Variants in CD2AP observed in about 807,000 individuals in gnomAD.
CD2AP encodes CD2 associated protein.
CD2AP carries 46 observed loss-of-function variants against 85.1 expected under a neutral mutation model. The observed-to-expected ratio is 0.54, with a 90% CI of 0.43 to 0.69. CD2AP has a LOEUF of 0.69. CD2AP is among the 30% of genes least tolerant of loss of function. CD2AP has a pLI of 0.00. For missense variants in CD2AP, 769 were observed against 729.5 expected (o/e 1.05, Z -0.62); for synonymous variants, 255 against 252.9 (o/e 1.01, Z -0.08).
intron 4 of CD2AP, among the ~76,000 whole-genome samples, chr6:47,549,161 C>T (rs906527241): frequency 6.6e-6 from 1 of 152,234 alleles, no homozygotes; most frequent in East Asian, 1.9e-4. Flanking sequence ...GATGCCTGCT[C>T]TCACCACTCC....
In CD2AP at chr6:47,530,475, C is replaced by G. The variant is rs114795313; in HGVS notation, c.166-3127C>G. Reference sequence around the variant, plus strand: ...TGTACCATATATATTTTGTGTCTGGCTTCTTTCAATCAGAATTAGAAATTG... The same window carrying G: ...TGTACCATATATATTTTGTGTCTGGGTTCTTTCAATCAGAATTAGAAATTG... On this transcript the variant is annotated intron_variant, in intron 2 of 17. Transcript: ENST00000359314. Among the ~76,000 whole-genome samples the G allele has an allele frequency of 1.5e-3, 233 of 152,260 alleles. 1 individual carries two copies. The highest frequency in any genetic ancestry group is 3.4e-3 in the Middle Eastern group (1 of 294).
intron 3 of CD2AP, among the ~76,000 whole-genome samples, chr6:47,542,197 A>G (rs948017332): frequency 6.6e-6 from 1 of 151,962 alleles, no homozygotes; most frequent in African/African-American, 2.4e-5. Context: ...TTTATCACTA[A>G]TTTTTTTCTA....
intron 11 of CD2AP, among the ~76,000 whole-genome samples, chr6:47,582,795 G>GTT (rs146539285): frequency 2.4e-4 from 22 of 91,402 alleles, no homozygotes; most frequent in African/African-American, 4.5e-4. Flanking sequence ...TTTTTGTTTT[G>GTT]TTTTTTTTTT....
intron 1 of CD2AP, among the ~76,000 whole-genome samples, chr6:47,492,812 TA>T (rs922880236): frequency 4.6e-5 from 7 of 152,310 alleles, no homozygotes; most frequent in Admixed American, 1.3e-4. Flanking sequence ...TTGGTTGCAT[TA>T]TTTTTTTTCC....
At chr6:47,494,200 A>G (rs1194655955) in intron 1 of CD2AP, among the ~76,000 whole-genome samples, 1 of 152,124 alleles carries the variant, frequency 6.6e-6, no homozygotes, top group Non-Finnish European at 1.5e-5. Flanking sequence ...ATTTATATTT[A>G]TCTGCCTAGG....
chr6:47,511,608 C>A (rs529076440), intron 2 of CD2AP, among the ~76,000 whole-genome samples: 1 of 152,152 alleles, frequency 6.6e-6, no homozygotes, highest in Non-Finnish European at 1.5e-5. Context: ...GAACTTTCTA[C>A]TTCCTTTGTA....
chr6:47,607,908 C>G lies in CD2AP; in HGVS notation c.1531-19C>G. The stretch of plus-strand genomic sequence containing the variant: ...TTCTTTGGTCTATTATGTCTCTTGA[C>G]TTCTAAAAAATCATTTAGCCAACTC... On this transcript the variant is annotated intron_variant, in intron 14 of 17. Transcript: ENST00000359314. 6.4e-7 allele frequency: 1 copy of G among 1,560,236 alleles called. No homozygotes were observed. Among genetic ancestry groups the G allele is most frequent in the Non-Finnish European group, 8.8e-7 (1 of 1,132,530 alleles).
At chr6:47,487,419 G>A (rs773314952) in intron 1 of CD2AP, among the ~76,000 whole-genome samples, 22 of 152,090 alleles carry the variant, frequency 1.4e-4, no homozygotes, top group Non-Finnish European at 2.4e-4. Flanking sequence ...GGCCAGGCGC[G>A]GTGGCTCACG....
intron 16 of CD2AP, 86 bp downstream of exon 16, chr6:47,609,390 T>A: frequency 8.8e-7 from 1 of 1,133,948 alleles, no homozygotes; most frequent in Non-Finnish European, 1.3e-6. Context: ...AAAAATCTAA[T>A]CTGTGGCTGG....
intron 11 of CD2AP, among the ~76,000 whole-genome samples, chr6:47,583,578 T>C (rs1768539050): frequency 6.6e-6 from 1 of 152,198 alleles, no homozygotes; most frequent in South Asian, 2.1e-4. Context: ...AATTTCTCCG[T>C]ATGTTTTCAT....
At chr6:47,609,330 G>A (rs374818160) in intron 16 of CD2AP, 26 bp downstream of exon 16, 85 of 1,528,310 alleles carry the variant, frequency 5.6e-5, no homozygotes, top group Non-Finnish European at 6.7e-5. Context: ...TTTCTCCTGT[G>A]AGTACTACTT....
rs1251825769 is a variant in CD2AP at position 47,575,150 on chromosome 6, G to T, written c.729+899G>T. Among the ~76,000 whole-genome samples the T allele has an allele frequency of 2.0e-5, 3 of 152,190 alleles. No individual in the cohort carries two copies. The East Asian group carries it at 5.8e-4, about 29-fold the overall frequency. On this transcript the variant is annotated intron_variant, in intron 6 of 17. Transcript: ENST00000359314. Reference sequence around the variant, plus strand: ...CCACTTTCTATCCTACATATTCCTAGCTCTGAGACTATCTGGCATTAGGAT... The same window carrying T: ...CCACTTTCTATCCTACATATTCCTATCTCTGAGACTATCTGGCATTAGGAT...
At chr6:47,590,969 T>C (rs1283628248) in intron 11 of CD2AP, among the ~76,000 whole-genome samples, 1 of 152,138 alleles carries the variant, frequency 6.6e-6, no homozygotes, top group Non-Finnish European at 1.5e-5. Context: ...TTGTTAAAAC[T>C]TCCATACTAC....
At chr6:47,582,149 T>C in intron 11 of CD2AP, 84 bp downstream of exon 11, 1 of 836,474 alleles carries the variant, frequency 1.2e-6, no homozygotes, top group Non-Finnish European at 2.1e-6. Context: ...CACTGAGTTA[T>C]TTACACTGAT....
chr6:47,553,521 T>A (rs1767586867), intron 4 of CD2AP, among the ~76,000 whole-genome samples: 1 of 135,298 alleles, frequency 7.4e-6, no homozygotes, highest in Admixed American at 7.1e-5. Flanking sequence ...GAATTTTTTT[T>A]TTTTTTTTTT....
chr6:47,603,375 A>G (rs772957948), intron 13 of CD2AP, among the ~76,000 whole-genome samples: 34 of 152,040 alleles, frequency 2.2e-4, no homozygotes, highest in Non-Finnish European at 3.2e-4. Context: ...TCATGGGCTA[A>G]AGACTAAAAC....
chr6:47,561,582 G>C (rs1193929274), intron 5 of CD2AP, among the ~76,000 whole-genome samples: 1 of 151,894 alleles, frequency 6.6e-6, no homozygotes, highest in Non-Finnish European at 1.5e-5. Flanking sequence ...ATTAAGCTGG[G>C]AAATGCTTAC....
intron 5 of CD2AP, among the ~76,000 whole-genome samples, chr6:47,572,818 T>C (rs918621352): frequency 1.3e-5 from 2 of 152,194 alleles, no homozygotes; most frequent in Admixed American, 6.5e-5. Context: ...CTTATAAAAA[T>C]GAGATAATTC....
At chr6:47,533,527 T>C in intron 2 of CD2AP, 75 bp from the exon 3 acceptor site, 1 of 1,373,224 alleles carries the variant, frequency 7.3e-7, no homozygotes, top group Non-Finnish European at 1.0e-6. Flanking sequence ...AGCTATTTTT[T>C]GGTATTTTAC....
Sources: allele counts gnomAD v4.1 joint callset (sites outside exome capture counted in the v4.1 genomes callset), GRCh38; gene constraint gnomAD v4.1.1; transcripts MANE v1.5; gene names NCBI Gene and HGNC (gene_info 2026-07-23, HGNC 2026-07-21).